The following NEO1 variants were observed in gnomAD, a reference collection of about 807,000 sequenced individuals.
The protein encoded by NEO1 is neogenin.
In NEO1, 63 loss-of-function variants were observed where a neutral mutation model predicts 159.7. That is an observed-to-expected ratio of 0.39 (90% CI 0.32 to 0.49). NEO1 has a LOEUF of 0.49. Ranked by LOEUF, NEO1 falls within the 20% of genes least tolerant of loss-of-function variation. The probability of loss-of-function intolerance (pLI) is 0.85; values close to 1 mark genes in which losing one functional copy is unlikely to be tolerated. For synonymous variants in NEO1, 633 were observed against 662.0 expected, an observed-to-expected ratio of 0.96 and a Z score of 0.67; for missense variants, 1,615 against 1,831.0, an observed-to-expected ratio of 0.88 and a Z score of 2.15.
At chr15:73,257,132 C>CAAAAAAAAAAAAAAAAAAAAAAAAA (rs10623334) in intron 13 of NEO1, among the ~76,000 whole-genome samples, 10 of 54,772 alleles carry the variant, frequency 1.8e-4, no homozygotes, top group African/African-American at 4.7e-4. Context: ...ACTCTGTCTC[C>CAAAAAAAAAAAAAAAAAAAAAAAAA]AAAAAAAAAA....
At chr15:73,188,919 C>G (rs1287421566) in intron 7 of NEO1, among the ~76,000 whole-genome samples, 1 of 151,968 alleles carries the variant, frequency 6.6e-6, no homozygotes, top group Non-Finnish European at 1.5e-5. Context: ...ATAGTGAGAC[C>G]CCATCCTCAC....
chr15:73,278,801 A>G (rs2041538468), intron 22 of NEO1, among the ~76,000 whole-genome samples: 1 of 152,240 alleles, frequency 6.6e-6, no homozygotes, highest in Non-Finnish European at 1.5e-5. Context: ...GTGGAGAAGT[A>G]ACGTGCCTGG....
chr15:73,083,842 A>T (rs2069204270), intron 1 of NEO1, among the ~76,000 whole-genome samples: 1 of 152,154 alleles, frequency 6.6e-6, no homozygotes, highest in Non-Finnish European at 1.5e-5. Context: ...CTTAGATTAT[A>T]GATAAACTTT....
intron 7 of NEO1, among the ~76,000 whole-genome samples, chr15:73,189,254 T>C (rs1189520964): frequency 6.6e-6 from 1 of 152,218 alleles, no homozygotes; most frequent in Non-Finnish European, 1.5e-5. Flanking sequence ...CCCACACATA[T>C]ATGCCCAGAT....
At chr15:73,285,131 T>G (rs2041892237) in intron 23 of NEO1, among the ~76,000 whole-genome samples, 1 of 151,994 alleles carries the variant, frequency 6.6e-6, no homozygotes, top group Admixed American at 6.5e-5. Context: ...CAAAGTAAAT[T>G]TTTTTTTAGA....
At chr15:73,124,126 G>A (rs774687112) in intron 3 of NEO1, among the ~76,000 whole-genome samples, 3 of 152,116 alleles carry the variant, frequency 2.0e-5, no homozygotes, top group Admixed American at 6.5e-5. Flanking sequence ...GCAGTGGTGC[G>A]ATCTTGGTTC....
chr15:73,164,139 T>C (rs1247703450), intron 5 of NEO1, among the ~76,000 whole-genome samples: 1 of 151,436 alleles, frequency 6.6e-6, no homozygotes, highest in African/African-American at 2.4e-5. Flanking sequence ...GCGATTCTCC[T>C]GCCTCAGCCT....
intron 22 of NEO1, among the ~76,000 whole-genome samples, chr15:73,279,345 G>GTTTTT (rs34303412): frequency 1.3e-5 from 1 of 77,798 alleles, no homozygotes; most frequent in Non-Finnish European, 3.6e-5. Flanking sequence ...TGTTGTTTTG[G>GTTTTT]TTTTGGTTTT....
intron 12 of NEO1, 130 bp from the exon 13 acceptor site, chr15:73,254,552 G>T: frequency 1.1e-6 from 1 of 878,044 alleles, no homozygotes; most frequent in Non-Finnish European, 1.7e-6. Flanking sequence ...AAATAACTTT[G>T]TAAAACTCTG....
At chr15:73,173,158 A>G (rs1443298437) in intron 5 of NEO1, among the ~76,000 whole-genome samples, 1 of 152,194 alleles carries the variant, frequency 6.6e-6, no homozygotes, top group Non-Finnish European at 1.5e-5. Context: ...TCTAAAATGT[A>G]TTGCAGTTCA....
chr15:73,258,690 C>T (rs1443686451), intron 13 of NEO1, 76 bp from the exon 14 acceptor site: 8 of 1,237,484 alleles, frequency 6.5e-6, no homozygotes, highest in Admixed American at 3.6e-5. Flanking sequence ...GAGATGTTTG[C>T]CTTAATGAGG....
chr15:73,161,193 T>A (rs78891227), intron 5 of NEO1, among the ~76,000 whole-genome samples: 2 of 152,212 alleles, frequency 1.3e-5, no homozygotes, highest in African/African-American at 4.8e-5. Context: ...TTATATTTTT[T>A]AAAAATCTCA....
intron 5 of NEO1, among the ~76,000 whole-genome samples, chr15:73,146,224 G>T (rs2032888466): frequency 6.6e-6 from 1 of 152,164 alleles, no homozygotes; most frequent in African/African-American, 2.4e-5. Context: ...CTACTAGACT[G>T]AGTTCTTTGA....
intron 1 of NEO1, among the ~76,000 whole-genome samples, chr15:73,055,599 C>T (rs1329537804): frequency 3.3e-5 from 5 of 152,150 alleles, no homozygotes; most frequent in African/African-American, 1.2e-4. Context: ...GCTAAGGACT[C>T]TCTTAGTCCA....
At chr15:73,278,094 T>G (rs1486005855) in intron 21 of NEO1, 37 bp from the exon 22 acceptor site, 1 of 1,583,260 alleles carries the variant, frequency 6.3e-7, no homozygotes, top group Non-Finnish European at 8.7e-7. Flanking sequence ...ACGCCAAATG[T>G]GTGGGGTCAT....
At chr15:73,206,037 A>G (rs1416651766) in intron 7 of NEO1, among the ~76,000 whole-genome samples, 3 of 152,038 alleles carry the variant, frequency 2.0e-5, no homozygotes, top group South Asian at 4.2e-4. Flanking sequence ...CCTCTTGAGT[A>G]GCTGGGCTAC....
chr15:73,263,840 C>G (rs1030864905), intron 15 of NEO1, among the ~76,000 whole-genome samples: 1 of 152,154 alleles, frequency 6.6e-6, no homozygotes. Flanking sequence ...GTATCCCCCA[C>G]GTGAACATCT....
chr15:73,158,681 C>T (rs1458422013), intron 5 of NEO1, among the ~76,000 whole-genome samples: 1 of 152,166 alleles, frequency 6.6e-6, no homozygotes, highest in Non-Finnish European at 1.5e-5. Context: ...TGAGCCATCA[C>T]ACCTGTCCTC....
intron 7 of NEO1, among the ~76,000 whole-genome samples, chr15:73,184,491 T>A (rs1429190674): frequency 6.6e-6 from 1 of 152,148 alleles, no homozygotes; most frequent in East Asian, 1.9e-4. Flanking sequence ...CCTGAATGAG[T>A]TGAAAAGTTA....
Sources: gnomAD v4.1 joint callset for allele counts (sites outside exome capture counted in the v4.1 genomes callset) on GRCh38, gnomAD v4.1.1 for gene constraint, MANE v1.5 for transcripts, NCBI Gene and HGNC (gene_info 2026-07-23, HGNC 2026-07-21) for gene names.